WNT16: variants seen among roughly 807,000 people sequenced by gnomAD.
The protein encoded by WNT16 is protein Wnt-16.
WNT16 carries 20 observed loss-of-function variants against 35.4 expected under a neutral mutation model. The ratio of observed to expected loss-of-function variants is 0.56; its 90% CI spans 0.40 to 0.82. The LOEUF (loss-of-function observed/expected upper bound fraction) is 0.82, where lower values mean the gene tolerates loss of function less well. Ranked by LOEUF, WNT16 falls within the 40% of genes least tolerant of loss-of-function variation. The pLI, the probability that WNT16 is intolerant of heterozygous loss-of-function variation, is 0.00. For missense variants in WNT16, 461 were observed against 466.0 expected (o/e 0.99, Z 0.10); for synonymous variants, 180 against 179.2 (o/e 1.00, Z -0.03).
chr7:121,335,311 T>C (rs1793423602), intron 3 of WNT16, among the ~76,000 whole-genome samples: 1 of 152,120 alleles, frequency 6.6e-6, no homozygotes, highest in Admixed American at 6.5e-5. Context: ...GCGGTTTCTA[T>C]GTTTACATTA....
chr7:121,331,312 A>G (rs556274672), intron 2 of WNT16, among the ~76,000 whole-genome samples: 1 of 152,348 alleles, frequency 6.6e-6, no homozygotes, highest in South Asian at 2.1e-4. Context: ...TACCGTTTAC[A>G]GTATCTATGC....
Position 121,339,191 on chromosome 7 carries a change from A to C in WNT16, c.944A>C (p.Glu315Ala). The change falls in exon 4 of 4, where the codon GAG becomes GCG. Residue 315 changes from glutamate (E) to alanine (A), a missense_variant. Physicochemically the swap from Glu to Ala is moderately radical, Grantham distance 107 (BLOSUM62 -1). Coordinates refer to ENST00000222462, the MANE Select transcript of WNT16 (RefSeq NM_057168.2). ...TQGRECNRTSEGADGCNLLCC... is the reference protein window; with the variant it reads ...TQGRECNRTSAGADGCNLLCC... ...GGCAGAGAATGCAACCGTACATCAG[A>C]GGGTGCAGATGGCTGCAACCTCCTC... 6.2e-7 allele frequency: 1 copy of C among 1,614,238 alleles called. No individual in the cohort carries two copies. The highest frequency in any genetic ancestry group is 8.5e-7 in the Non-Finnish European group (1 of 1,180,034).
chr7:121,329,537 CT>C (rs1793302879), intron 1 of WNT16, 29 bp from the exon 2 acceptor site: 5 of 1,611,076 alleles, frequency 3.1e-6, no homozygotes, highest in Admixed American at 1.7e-5. Context: ...TGGGGAGCGG[CT>C]TAACGCTACG....
rs578077270 is a variant in WNT16, at chr7:121,337,396, G to C, written c.634-1485G>C. ...TGAAAACATAACATTCTGCAAACGT[G>C]TCAATGTCAGGTTTGGTACAAAACA... is the stretch of plus-strand genomic sequence containing the variant. On this transcript the variant is annotated intron_variant, in intron 3 of 3. Transcript: ENST00000222462. 3.9e-5 allele frequency among the ~76,000 whole-genome samples: 6 copies of C among 152,310 alleles called. No individual in the cohort carries two copies. The South Asian group carries it at 1.0e-3, about 26-fold the overall frequency.
At chr7:121,325,670 C>T (rs893295029), upstream of WNT16, among the ~76,000 whole-genome samples, 10 of 151,006 alleles carry the variant, frequency 6.6e-5, no homozygotes, top group African/African-American at 2.2e-4. Context: ...TATATAACAC[C>T]TAACATATCT....
Position 121,339,489 on chromosome 7 carries a change from C to G in WNT16, c.*144C>G. The stretch of plus-strand genomic sequence containing the variant: ...CCTTGGACCTGAGAGTTTCCCTTAC[C>G]TGATCGACATATTTTCCTTTATCTG... On this transcript the variant is annotated 3_prime_UTR_variant, in exon 4 of 4. Coordinates refer to ENST00000222462, the MANE Select transcript of WNT16 (RefSeq NM_057168.2). 1.5e-6 allele frequency: 1 copy of G among 670,668 alleles called. No individual in the cohort carries two copies. The highest frequency in any genetic ancestry group is 2.5e-6 in the Non-Finnish European group (1 of 406,522). The allele number at this position is 670,668 out of a possible 1,614,324, so 41.5% of individuals were successfully genotyped here.
chr7:121,329,759 C>G lies in WNT16; in HGVS notation c.288C>G (p.Ala96=), dbSNP rs1431904607. 6.2e-7 allele frequency: 1 copy of G among 1,608,420 alleles called. No homozygotes were observed. The highest frequency in any genetic ancestry group is 1.3e-5 in the African/African-American group (1 of 74,940). ...RHERWNCMIT[A]AATTAPMGAS... ...AGAGATGGAACTGCATGATCACCGC[C>G]GCCGCCACTACCGCCCCGATGGGCG... The change falls in exon 2 of 4, where the codon GCC becomes GCG. Residue 96 remains alanine (A), a synonymous_variant. Transcript: ENST00000222462.
intron 2 of WNT16, among the ~76,000 whole-genome samples, chr7:121,330,151 C>T (rs1793315973): frequency 6.6e-6 from 1 of 152,244 alleles, no homozygotes; most frequent in East Asian, 1.9e-4. Flanking sequence ...CGTGGGTGAC[C>T]AGCTGGAGAA....
At chr7:121,336,836 G>C (rs1357674370) in intron 3 of WNT16, among the ~76,000 whole-genome samples, 1 of 152,098 alleles carries the variant, frequency 6.6e-6, no homozygotes, top group Non-Finnish European at 1.5e-5. Context: ...GAAAAAATCG[G>C]CTCCTCAGTC....
chr7:121,339,053 G>A lies in WNT16; in HGVS notation c.806G>A (p.Arg269Lys). Reference sequence around the variant, plus strand: ...GACAAAACAAAGAGGAAAATGCGCAGGAGAGAAAAAGATCAGAGGAAAATA... The same window carrying A: ...GACAAAACAAAGAGGAAAATGCGCAAGAGAGAAAAAGATCAGAGGAAAATA... Reference protein sequence around the residue: ...ISDKTKRKMRRREKDQRKIPI... With the variant: ...ISDKTKRKMRKREKDQRKIPI... Residue 269 changes from arginine (R) to lysine (K), a missense_variant, in exon 4 of 4, where the codon AGG becomes AAG. Coordinates refer to ENST00000222462, the MANE Select transcript of WNT16 (RefSeq NM_057168.2). 1 of 1,614,134 alleles carries A rather than the reference G, an allele frequency of 6.2e-7. No individual in the cohort carries two copies. The highest frequency in any genetic ancestry group is 8.5e-7 in the Non-Finnish European group (1 of 1,180,034).
At position 121,331,746 on chromosome 7, in the gene WNT16, T is replaced by C. The variant is rs933059988; in HGVS notation, c.415T>C (p.Cys139Arg). Residue 139 changes from cysteine to arginine, a missense_variant, in exon 3 of 4, where the codon TGC (cysteine) becomes CGC (arginine). Physicochemically the swap from Cys to Arg is radical, Grantham distance 180 (BLOSUM62 -3). Transcript: ENST00000222462. ...CCTGGTGCATTCTGTGACCAGGTCA[T>C]GCAGTGCAGGCAACATGACAGAGTG... ...AGLVHSVTRS[C>R]SAGNMTECSC... is the part of the protein sequence containing the mutation. The C allele has an allele frequency of 1.2e-6, 2 of 1,614,224 alleles. No individual in the cohort carries two copies. Among genetic ancestry groups the C allele is most frequent in the Non-Finnish European group, 1.7e-6 (2 of 1,180,034 alleles).
intron 2 of WNT16, among the ~76,000 whole-genome samples, chr7:121,331,343 T>C (rs112231466): frequency 0.012 from 1,845 of 152,348 alleles, 15 homozygotes; most frequent in Middle Eastern, 0.041. Context: ...TAATTCAGCA[T>C]GTATTACTGA....
Position 121,331,888 on chromosome 7 carries a change from C to G in WNT16, c.557C>G (p.Pro186Arg). Residue 186 changes from proline to arginine, a missense_variant, in exon 3 of 4, where the codon CCC becomes CGC. Coordinates refer to ENST00000222462, the MANE Select transcript of WNT16 (RefSeq NM_057168.2). The part of the protein sequence containing the change: ...MWFSRKFLDF[P>R]IGNTTGKENK... ...TTCAGCAGAAAGTTCCTAGATTTCC[C>G]CATCGGAAACACCACGGGCAAAGAA... is the stretch of plus-strand genomic sequence containing the variant. 6.2e-7 allele frequency: 1 copy of G among 1,614,110 alleles called. No homozygotes were observed. The highest frequency in any genetic ancestry group is 8.5e-7 in the Non-Finnish European group (1 of 1,180,032).
At chr7:121,336,834 C>T (rs964467710) in intron 3 of WNT16, among the ~76,000 whole-genome samples, 1 of 152,104 alleles carries the variant, frequency 6.6e-6, no homozygotes, top group Non-Finnish European at 1.5e-5. Flanking sequence ...AAGAAAAAAT[C>T]GGCTCCTCAG....
rs370654533 is a variant in WNT16, at chr7:121,339,288, C to T, written c.1041C>T (p.Cys347=). 11 of 1,614,082 alleles carry T rather than the reference C, an allele frequency of 6.8e-6. No individual in the cohort carries two copies. Among genetic ancestry groups the T allele is most frequent in the Non-Finnish European group, 7.6e-6 (9 of 1,180,018 alleles). The change falls in exon 4 of 4, where the codon TGC becomes TGT. Residue 347 remains cysteine, a synonymous_variant. Coordinates refer to ENST00000222462, the MANE Select transcript of WNT16 (RefSeq NM_057168.2). The stretch of plus-strand genomic sequence containing the variant: ...GGTGTGAGTGTAAGTTCATCTGGTG[C>T]TGCTATGTCCGTTGCAGGAGGTGTG... The part of the protein sequence containing the change: ...VERCECKFIW[C]CYVRCRRCES...
At chr7:121,329,915 G>GCT (rs142005327) in intron 2 of WNT16, 98 bp downstream of exon 2, 378,200 of 1,490,710 alleles carry the variant, frequency 0.25, 49,709 homozygotes, top group African/African-American at 0.37. Flanking sequence ...TGGTCCTGTA[G>GCT]CTCTCTAAGT....
chr7:121,338,231 C>T (rs1056070218), intron 3 of WNT16, among the ~76,000 whole-genome samples: 3 of 152,154 alleles, frequency 2.0e-5, no homozygotes, highest in African/African-American at 7.2e-5. Context: ...GTGAAAGTAC[C>T]ATGGCCTGGA....
At chr7:121,326,033 C>T (rs1793239203), upstream of WNT16, among the ~76,000 whole-genome samples, 1 of 71,840 alleles carries the variant, frequency 1.4e-5, no homozygotes, top group Admixed American at 1.8e-4. Flanking sequence ...AATGATACCT[C>T]ATCTCAAAAA....
intron 2 of WNT16, 145 bp downstream of exon 2, chr7:121,329,962 C>A: frequency 7.7e-7 from 1 of 1,293,192 alleles, no homozygotes. Flanking sequence ...GGATTGAGAG[C>A]TACAAAGGCC....
Sources: gnomAD v4.1 joint callset for allele counts (sites outside exome capture counted in the v4.1 genomes callset) on GRCh38, gnomAD v4.1.1 for gene constraint, MANE v1.5 for transcripts, NCBI Gene and HGNC (gene_info 2026-07-23, HGNC 2026-07-21) for gene names.